Variants in CDON observed in about 807,000 individuals in gnomAD.
CDON encodes the protein cell adhesion associated, oncogene regulated.
In CDON, 73 loss-of-function variants were observed where a neutral mutation model predicts 120.9. The observed-to-expected ratio is 0.60, with a 90% CI of 0.50 to 0.73. The LOEUF (loss-of-function observed/expected upper bound fraction) is 0.73. CDON is among the 30% of genes least tolerant of loss of function. The probability of loss-of-function intolerance (pLI) is 0.00; values close to 1 mark genes in which losing one functional copy is unlikely to be tolerated. For missense variants in CDON, 1,470 were observed against 1,587.3 expected (o/e 0.93, Z 1.26); for synonymous variants, 566 against 573.5 (o/e 0.99, Z 0.19).
intron 2 of CDON, among the ~76,000 whole-genome samples, chr11:126,023,065 T>A (rs1253996809): frequency 2.0e-5 from 3 of 152,200 alleles, no homozygotes. Context: ...GTATATTTAG[T>A]CCGCATTTTA....
chr11:126,009,812 C>T (rs1947238388), intron 8 of CDON, among the ~76,000 whole-genome samples: 1 of 152,122 alleles, frequency 6.6e-6, no homozygotes, highest in Non-Finnish European at 1.5e-5. Context: ...TATACCAGTA[C>T]ATCAAAAATC....
intron 15 of CDON, among the ~76,000 whole-genome samples, chr11:125,988,499 C>T (rs1946530969): frequency 6.6e-6 from 1 of 152,210 alleles, no homozygotes; most frequent in Non-Finnish European, 1.5e-5. Context: ...TCTCAGCCTC[C>T]TGAACTAACA....
chr11:126,006,191 G>T, intron 8 of CDON, 134 bp from the exon 9 acceptor site: 1 of 746,830 alleles, frequency 1.3e-6, no homozygotes, highest in Non-Finnish European at 2.3e-6. Context: ...GGGTAACACT[G>T]CCATTTATAA....
intron 7 of CDON, 110 bp from the exon 8 acceptor site, chr11:126,010,804 T>C (rs975911787): frequency 6.1e-6 from 5 of 819,648 alleles, no homozygotes; most frequent in South Asian, 4.3e-5. Context: ...AAAACCAAGA[T>C]AGCTACCTCC....
chr11:126,025,805 A>T (rs1000796331), intron 1 of CDON, among the ~76,000 whole-genome samples: 3 of 152,342 alleles, frequency 2.0e-5, no homozygotes, highest in Admixed American at 6.5e-5. Context: ...ATATATAAAA[A>T]TAAGTAACAG....
chr11:126,012,230 T>C (rs1029161025), intron 7 of CDON, among the ~76,000 whole-genome samples: 1 of 152,194 alleles, frequency 6.6e-6, no homozygotes, highest in Non-Finnish European at 1.5e-5. Context: ...TTGAATTGCA[T>C]AAATCCACAG....
intron 18 of CDON, among the ~76,000 whole-genome samples, chr11:125,973,315 G>A (rs573583805): frequency 1.3e-5 from 2 of 152,236 alleles, no homozygotes; most frequent in Admixed American, 1.3e-4. Flanking sequence ...GGTGGATCAT[G>A]AGGTTAGGAG....
In CDON at chr11:126,004,072, T is replaced by A; in HGVS notation, c.1856A>T (p.Asp619Val). 6.2e-7 allele frequency: 1 copy of A among 1,613,828 alleles called. No homozygotes were observed. Among genetic ancestry groups the A allele is most frequent in the Non-Finnish European group, 8.5e-7 (1 of 1,179,970 alleles). Residue 619 changes from aspartate (D) to valine (V), a missense_variant, in exon 10 of 20, where the codon GAT (aspartate) becomes GTT (valine). Coordinates refer to ENST00000531738, the MANE Select transcript of CDON (RefSeq NM_001378964.1). ...NAYFVKYRKL[D>V]DGVGMLGSWH... ...GCTTCCCAGCATGCCAACCCCATCA[T>A]CCAGCTGCCCAAGAGAAAACACACC...
intron 8 of CDON, among the ~76,000 whole-genome samples, chr11:126,008,369 C>T (rs925748069): frequency 1.1e-4 from 17 of 152,080 alleles, no homozygotes; most frequent in Admixed American, 2.0e-4. Context: ...TTTTAATAAA[C>T]TCGGTTGGAT....
intron 18 of CDON, among the ~76,000 whole-genome samples, chr11:125,965,411 G>A (rs1222750879): frequency 6.6e-6 from 1 of 152,188 alleles, no homozygotes; most frequent in African/African-American, 2.4e-5. Flanking sequence ...CTGCAGGAAA[G>A]GTCCGAGTGG....
chr11:126,054,170 C>T (rs1948632196), intron 1 of CDON, among the ~76,000 whole-genome samples: 1 of 152,112 alleles, frequency 6.6e-6, no homozygotes, highest in Non-Finnish European at 1.5e-5. Context: ...ATTCTAATTA[C>T]TTTTATTCTG....
At chr11:126,005,310 A>AAC (rs760415049) in intron 9 of CDON, 8,420 of 39,468 alleles carry the variant, frequency 0.21, 379 homozygotes, top group African/African-American at 0.31. Flanking sequence ...TCAAAAAAAA[A>AAC]AAAAAAAACA....
At chr11:125,988,073 CTTCT>C (rs1946519335) in intron 15 of CDON, among the ~76,000 whole-genome samples, 1 of 152,188 alleles carries the variant, frequency 6.6e-6, no homozygotes, top group Non-Finnish European at 1.5e-5. Context: ...ACTCAACAGC[CTTCT>C]TTATCATGTT....
intron 1 of CDON, among the ~76,000 whole-genome samples, chr11:126,057,852 AT>A (rs557603330): frequency 1.2e-4 from 19 of 152,386 alleles, no homozygotes; most frequent in African/African-American, 4.6e-4. Context: ...GGAGGAGTTA[AT>A]AAAAATAACA....
At position 126,017,174 on chromosome 11, in the gene CDON, T is replaced by G; in HGVS notation, c.842A>C (p.Asp281Ala). The G allele has an allele frequency of 6.2e-7, 1 of 1,614,142 alleles. No individual in the cohort carries two copies. Residue 281 changes from aspartate to alanine, a missense_variant, in exon 6 of 20, where the codon GAC becomes GCC. By Grantham distance (126) the Asp-to-Ala change is moderately radical. Coordinates refer to ENST00000531738, the MANE Select transcript of CDON (RefSeq NM_001378964.1). ...LYSHLATDSV[D>A]PADSGNYSCM... Reference sequence around the variant, plus strand: ...GGAATAGTTTCCGGAGTCCGCCGGGTCAACGCTATCAGTGGCAAGATGAGA... The same window carrying G: ...GGAATAGTTTCCGGAGTCCGCCGGGGCAACGCTATCAGTGGCAAGATGAGA...
chr11:125,989,760 CTAAAAGGAAAAA>C lies in CDON; in HGVS notation c.2651-13_2651-2del. 1 of 1,611,798 alleles carries C rather than the reference CTAAAAGGAAAAA, an allele frequency of 6.2e-7. No homozygotes were observed. On this transcript the variant is annotated splice_acceptor_variant and splice_polypyrimidine_tract_variant and intron_variant, in intron 14 of 19. Transcript: ENST00000531738. LOFTEE classifies it high-confidence loss of function. The stretch of plus-strand genomic sequence containing the variant: ...CCAATCATGTGCCACTGCTTTGAAC[CTAAAAGGAAAAA>C]TAAAAGGCTTTACACATCATACAGC...
chr11:126,059,505 TC>T (rs1234751344), intron 1 of CDON, among the ~76,000 whole-genome samples: 10 of 68,348 alleles, frequency 1.5e-4, no homozygotes, highest in Non-Finnish European at 2.2e-4. Context: ...ATCCCCCCAA[TC>T]CCCGCTCTGC....
chr11:125,983,739 T>C, intron 16 of CDON, 133 bp downstream of exon 16: 1 of 743,626 alleles, frequency 1.3e-6, no homozygotes, highest in Non-Finnish European at 2.3e-6. Context: ...TCATCTCCTC[T>C]GAATGAAGAG....
intron 1 of CDON, among the ~76,000 whole-genome samples, chr11:126,054,357 A>C (rs1948636232): frequency 6.6e-6 from 1 of 152,222 alleles, no homozygotes; most frequent in Non-Finnish European, 1.5e-5. Flanking sequence ...TACATTTTAA[A>C]TATATAAAAT....
Sources: allele counts gnomAD v4.1 joint callset (sites outside exome capture counted in the v4.1 genomes callset), GRCh38; gene constraint gnomAD v4.1.1; transcripts MANE v1.5; gene names NCBI Gene and HGNC (gene_info 2026-07-23, HGNC 2026-07-21).